C10orf67: variants seen among roughly 807,000 people sequenced by gnomAD.
C10orf67 encodes chromosome 10 open reading frame 67.
C10orf67 carries 60 observed loss-of-function variants against 35.6 expected under a neutral mutation model. The ratio of observed to expected loss-of-function variants is 1.68; its 90% CI spans 1.37 to 2.09. The LOEUF (loss-of-function observed/expected upper bound fraction) is 2.09. Among genes scored for constraint, C10orf67 ranks in the 30% most tolerant of loss-of-function variants. The pLI, the probability that C10orf67 is intolerant of heterozygous loss-of-function variation, is 0.00. For synonymous variants in C10orf67, 167 were observed against 115.8 expected (o/e 1.44, Z -2.84); for missense variants, 474 against 330.2 (o/e 1.44, Z -3.38).
Position 23,234,916 on chromosome 10 carries a change from G to T in C10orf67, c.1434+4813C>A, listed in dbSNP as rs1271320776. On this transcript the variant is annotated intron_variant, in intron 13 of 15. Coordinates refer to ENST00000636213, the MANE Select transcript of C10orf67 (RefSeq NM_001371909.1). ...AATCCCAGCTACTCGGGAGGCTGAG[G>T]CAGGAGAATTGCTTGAACCCGGGAG... Among the ~76,000 whole-genome samples the T allele has an allele frequency of 5.4e-5, 8 of 149,508 alleles. No homozygotes were observed. The East Asian group carries it at 1.6e-3, about 29-fold the overall frequency.
intron 1 of C10orf67, among the ~76,000 whole-genome samples, chr10:23,342,551 T>C (rs1400549681): frequency 6.6e-6 from 1 of 152,168 alleles, no homozygotes; most frequent in Non-Finnish European, 1.5e-5. Flanking sequence ...CGGTCTGCTC[T>C]TGAGCCTGGC....
At chr10:23,270,769 G>T (rs986557665) in intron 8 of C10orf67, among the ~76,000 whole-genome samples, 2 of 152,228 alleles carry the variant, frequency 1.3e-5, no homozygotes, top group Non-Finnish European at 2.9e-5. Flanking sequence ...GAGTCCAGGT[G>T]GTTCACATGA....
chr10:23,220,039 G>T (rs1310011076), intron 15 of C10orf67, among the ~76,000 whole-genome samples: 1 of 152,106 alleles, frequency 6.6e-6, no homozygotes, highest in African/African-American at 2.4e-5. Context: ...TGATGTGGTG[G>T]TGTGTGCCTG....
chr10:23,342,972 TG>T (rs1287022834), intron 1 of C10orf67, among the ~76,000 whole-genome samples: 1 of 152,262 alleles, frequency 6.6e-6, no homozygotes, highest in Non-Finnish European at 1.5e-5. Context: ...AAGCTAATTC[TG>T]GCTACCTACT....
intron 4 of C10orf67, chr10:23,316,817 C>T (rs1394185079): frequency 1.3e-5 from 2 of 152,402 alleles, no homozygotes; most frequent in Non-Finnish European, 2.9e-5. Context: ...CAGGTCATCC[C>T]CACTTCTGCC....
intron 13 of C10orf67, among the ~76,000 whole-genome samples, chr10:23,224,111 TG>T (rs1174364437): frequency 2.0e-5 from 3 of 152,182 alleles, no homozygotes; most frequent in Non-Finnish European, 2.9e-5. Flanking sequence ...TGCAACTGGT[TG>T]GAAGCCACCA....
At chr10:23,252,705 G>A (rs1842488193) in intron 10 of C10orf67, among the ~76,000 whole-genome samples, 1 of 152,176 alleles carries the variant, frequency 6.6e-6, no homozygotes, top group Admixed American at 6.5e-5. Context: ...ATAAGAATAG[G>A]AACAATTTTG....
intron 8 of C10orf67, among the ~76,000 whole-genome samples, chr10:23,269,609 T>C (rs1175643405): frequency 6.6e-6 from 1 of 152,128 alleles, no homozygotes; most frequent in Non-Finnish European, 1.5e-5. Context: ...CTAGGATGTA[T>C]TCAAAAAGCA....
At chr10:23,303,250 T>G in intron 5 of C10orf67, 54 bp downstream of exon 5, 2 of 454,530 alleles carry the variant, frequency 4.4e-6, no homozygotes, top group Non-Finnish European at 7.9e-6. Flanking sequence ...TTTTAACTAT[T>G]TATGACTTTA....
intron 8 of C10orf67, among the ~76,000 whole-genome samples, chr10:23,276,635 A>T (rs565074891): frequency 1.3e-5 from 2 of 151,616 alleles, no homozygotes; most frequent in Admixed American, 1.3e-4. Flanking sequence ...TAATCAATAA[A>T]CTTTATACCT....
intron 13 of C10orf67, among the ~76,000 whole-genome samples, chr10:23,225,135 C>A (rs919069739): frequency 3.3e-5 from 5 of 152,136 alleles, no homozygotes; most frequent in Non-Finnish European, 7.3e-5. Context: ...TCGGGTTACC[C>A]ACAAAGGGAA....
At chr10:23,301,373 C>T (rs561282789) in intron 5 of C10orf67, among the ~76,000 whole-genome samples, 1 of 152,308 alleles carries the variant, frequency 6.6e-6, no homozygotes, top group African/African-American at 2.4e-5. Flanking sequence ...CAGCCTCACA[C>T]CTGAGTCTTA....
chr10:23,267,300 TA>T (rs1842909148), intron 8 of C10orf67, 46 bp from the exon 9 acceptor site: 1 of 665,508 alleles, frequency 1.5e-6, no homozygotes, highest in Non-Finnish European at 2.7e-6. Context: ...CTGCAAAGAT[TA>T]AAAAAGACAA....
At chr10:23,332,074 G>A (rs1452497465) in intron 2 of C10orf67, among the ~76,000 whole-genome samples, 3 of 152,120 alleles carry the variant, frequency 2.0e-5, no homozygotes, top group Non-Finnish European at 4.4e-5. Flanking sequence ...CCACTTTTAA[G>A]AATTTACATC....
At chr10:23,310,438 C>T (rs1159373536) in intron 4 of C10orf67, among the ~76,000 whole-genome samples, 7 of 152,148 alleles carry the variant, frequency 4.6e-5, no homozygotes, top group African/African-American at 1.4e-4. Context: ...GAGGGAGAAA[C>T]GTTAAGGGAA....
At chr10:23,261,412 A>G (rs7904551) in intron 10 of C10orf67, among the ~76,000 whole-genome samples, 5,566 of 152,234 alleles carry the variant, frequency 0.037, 285 homozygotes, top group East Asian at 0.26. Context: ...CCTGGGCTCA[A>G]ACAATCCTCT....
intron 7 of C10orf67, 68 bp downstream of exon 7, chr10:23,289,832 T>C: frequency 1.4e-6 from 1 of 703,766 alleles, no homozygotes; most frequent in Admixed American, 2.1e-5. Context: ...GGACACAGTG[T>C]TATTTGGCCA....
intron 5 of C10orf67, among the ~76,000 whole-genome samples, chr10:23,296,641 C>A (rs1161913697): frequency 6.6e-6 from 1 of 152,058 alleles, no homozygotes; most frequent in African/African-American, 2.4e-5. Context: ...GAGATTTCCT[C>A]GGGAGGGGTG....
intron 15 of C10orf67, among the ~76,000 whole-genome samples, chr10:23,216,023 C>T (rs1194495353): frequency 6.6e-6 from 1 of 152,094 alleles, no homozygotes; most frequent in Non-Finnish European, 1.5e-5. Flanking sequence ...TAGAAATTAT[C>T]CTGTTAGAGA....
Sources: allele counts gnomAD v4.1 joint callset (sites outside exome capture counted in the v4.1 genomes callset), GRCh38; gene constraint gnomAD v4.1.1; transcripts MANE v1.5; gene names NCBI Gene and HGNC (gene_info 2026-07-23, HGNC 2026-07-21).